FNBP1: variants seen among roughly 807,000 people sequenced by gnomAD.
FNBP1 encodes formin-binding protein 1.
A neutral mutation model predicts 90.6 loss-of-function variants in FNBP1; 26 were observed. The ratio of observed to expected loss-of-function variants is 0.29; its 90% CI spans 0.21 to 0.40. The LOEUF (loss-of-function observed/expected upper bound fraction) is 0.40, where lower values mean the gene tolerates loss of function less well. FNBP1 is among the 10% of genes least tolerant of loss of function. The pLI is 1.00. For synonymous variants in FNBP1, 260 were observed against 265.2 expected (o/e 0.98, Z 0.19); for missense variants, 635 against 768.0 (o/e 0.83, Z 2.05).
intron 1 of FNBP1, among the ~76,000 whole-genome samples, chr9:129,997,288 A>G (rs2054160854): frequency 6.6e-6 from 1 of 152,152 alleles, no homozygotes; most frequent in Admixed American, 6.6e-5. Context: ...AGATCACACC[A>G]TTGCACTCCA....
intron 2 of FNBP1, among the ~76,000 whole-genome samples, chr9:129,980,938 C>G (rs1589046913): frequency 6.6e-6 from 1 of 151,424 alleles, no homozygotes; most frequent in African/African-American, 2.4e-5. Context: ...GTAGTCCCAG[C>G]TACTCGGGAG....
At chr9:129,948,237 C>A (rs1305645621) in intron 6 of FNBP1, among the ~76,000 whole-genome samples, 2 of 151,992 alleles carry the variant, frequency 1.3e-5, no homozygotes, top group Non-Finnish European at 2.9e-5. Context: ...CACACTACTG[C>A]ACTCCAGCCT....
chr9:130,009,057 C>T (rs545233210), intron 1 of FNBP1, among the ~76,000 whole-genome samples: 1 of 152,208 alleles, frequency 6.6e-6, no homozygotes, highest in South Asian at 2.1e-4. Context: ...TATTTCTAAA[C>T]TCTAAATATT....
chr9:130,041,675 T>C lies in FNBP1; in HGVS notation c.24+1277A>G, dbSNP rs2059829589. Among the ~76,000 whole-genome samples the C allele has an allele frequency of 7.2e-5, 11 of 152,356 alleles. No homozygotes were observed. In the South Asian group the frequency reaches 2.3e-3, roughly 32 times the overall value. On this transcript the variant is annotated intron_variant, in intron 1 of 16. Transcript: ENST00000446176. This position sits in a 1 kb window ranked among gnomAD's most constrained non-coding sequence, Gnocchi z 4.3. ...AAGATGTTTATAAAATGAATTATCT[T>C]AATTTAAGGGAGCTATTGCCCTCAG... is the stretch of plus-strand genomic sequence containing the variant.
rs915965087 is a variant in FNBP1 at position 130,037,565 on chromosome 9, AAG to A, written c.24+5385_24+5386del. ...ACACACTATAAAGTGTTCTTATATA[AAG>A]ATATGTACACATATCATGCCTAAGT... On this transcript the variant is annotated intron_variant, in intron 1 of 16. Coordinates refer to ENST00000446176, the MANE Select transcript of FNBP1 (RefSeq NM_015033.3). Among the ~76,000 whole-genome samples, 37 of 152,286 alleles carry A rather than the reference AAG, an allele frequency of 2.4e-4. 1 individual carries two copies. Among genetic ancestry groups the A allele is most frequent in the African/African-American group, 8.7e-4 (36 of 41,548 alleles).
At chr9:130,022,113 C>A (rs923961276) in intron 1 of FNBP1, among the ~76,000 whole-genome samples, 1 of 152,170 alleles carries the variant, frequency 6.6e-6, no homozygotes, top group Non-Finnish European at 1.5e-5. Flanking sequence ...CCCGCCTCAG[C>A]CTCCCAAAGT....
chr9:129,943,743 A>C (rs1407805054), intron 6 of FNBP1, among the ~76,000 whole-genome samples: 1 of 152,074 alleles, frequency 6.6e-6, no homozygotes, highest in Non-Finnish European at 1.5e-5. Context: ...CTGTAATCCC[A>C]GCACTTTGGG....
At chr9:129,906,249 T>C (rs2038038708) in intron 12 of FNBP1, among the ~76,000 whole-genome samples, 1 of 152,224 alleles carries the variant, frequency 6.6e-6, no homozygotes, top group Admixed American at 6.5e-5. Context: ...GCTTGAATGA[T>C]ACATTTCCTT....
At chr9:130,007,326 T>C (rs1380770220) in intron 1 of FNBP1, among the ~76,000 whole-genome samples, 1 of 145,346 alleles carries the variant, frequency 6.9e-6, no homozygotes, top group East Asian at 2.1e-4. Context: ...TTTATAACAA[T>C]AATTATATTG....
At chr9:129,996,709 G>T (rs1471429407) in intron 1 of FNBP1, among the ~76,000 whole-genome samples, 2 of 152,048 alleles carry the variant, frequency 1.3e-5, no homozygotes, top group Non-Finnish European at 2.9e-5. Context: ...TTGTTGGTTG[G>T]TTTGTTTTGA....
At chr9:129,892,828 C>CTGAG (rs1190607352) in intron 16 of FNBP1, among the ~76,000 whole-genome samples, 2 of 152,168 alleles carry the variant, frequency 1.3e-5, no homozygotes, top group African/African-American at 2.4e-5. Flanking sequence ...TGTTATAGTA[C>CTGAG]TGAGGCATAC....
At chr9:129,940,897 T>C (rs2044229152) in intron 6 of FNBP1, among the ~76,000 whole-genome samples, 1 of 151,810 alleles carries the variant, frequency 6.6e-6, no homozygotes, top group African/African-American at 2.4e-5. Context: ...AGTGCTGAGA[T>C]TACAGGCGTG....
intron 6 of FNBP1, among the ~76,000 whole-genome samples, chr9:129,944,736 T>TC (rs1234242568): frequency 6.6e-6 from 1 of 152,120 alleles, no homozygotes; most frequent in Admixed American, 6.5e-5. Context: ...TGCATATGCA[T>TC]CCTTACTTAC....
At chr9:129,925,367 G>A (rs1588590516) in intron 8 of FNBP1, among the ~76,000 whole-genome samples, 3 of 151,626 alleles carry the variant, frequency 2.0e-5, no homozygotes, top group African/African-American at 4.8e-5. Context: ...TTAGCCAGGC[G>A]TGGTGGCGGG....
intron 2 of FNBP1, among the ~76,000 whole-genome samples, chr9:129,981,445 T>C (rs1334274030): frequency 6.6e-6 from 1 of 152,220 alleles, no homozygotes; most frequent in Non-Finnish European, 1.5e-5. Flanking sequence ...CCTCACTTCC[T>C]TGTTAATTCC....
intron 1 of FNBP1, among the ~76,000 whole-genome samples, chr9:130,025,503 A>G (rs1564605771): frequency 1.3e-5 from 2 of 152,212 alleles, no homozygotes; most frequent in African/African-American, 4.8e-5. Context: ...TGGAACTCAG[A>G]TTACCTTGAA....
Position 129,978,567 on chromosome 9 carries a change from A to G in FNBP1, c.243T>C (p.Asn81=). The change falls in exon 4 of 17, where the codon AAT becomes AAC. Residue 81 remains asparagine (N), a synonymous_variant. Coordinates refer to ENST00000446176, the MANE Select transcript of FNBP1 (RefSeq NM_015033.3). The stretch of plus-strand genomic sequence containing the variant: ...TAACTTCATGCTGCCCTGCGTAATC[A>G]TTCATTTCGTTCAGGTTGGAAATGA... ...KAFISNLNEM[N]DYAGQHEVIS... 6.2e-7 allele frequency: 1 copy of G among 1,613,776 alleles called. No individual in the cohort carries two copies. Among genetic ancestry groups the G allele is most frequent in the Non-Finnish European group, 8.5e-7 (1 of 1,179,764 alleles).
At chr9:129,926,905 GAAAA>G (rs2042008099) in intron 8 of FNBP1, among the ~76,000 whole-genome samples, 1 of 148,966 alleles carries the variant, frequency 6.7e-6, no homozygotes, top group African/African-American at 2.5e-5. Flanking sequence ...AAAAAAAAAA[GAAAA>G]AGAAAAAGAA....
chr9:130,050,044 T>G, the FNBP1 span, among the ~76,000 whole-genome samples: 1 of 152,200 alleles, frequency 6.6e-6, no homozygotes, highest in South Asian at 2.1e-4. Flanking sequence ...ACCGCCTGCC[T>G]GAACTTACAG....
Sources: gnomAD v4.1 joint callset for allele counts (sites outside exome capture counted in the v4.1 genomes callset) on GRCh38, gnomAD v4.1.1 for gene constraint, Gnocchi (gnomAD v3.1) non-coding constraint, MANE v1.5 for transcripts, NCBI Gene and HGNC (gene_info 2026-07-23, HGNC 2026-07-21) for gene names.